CEP95: variants seen among roughly 807,000 people sequenced by gnomAD.
CEP95 encodes the protein centrosomal protein of 95 kDa.
CEP95 carries 98 observed loss-of-function variants against 111.2 expected under a neutral mutation model. That is an observed-to-expected ratio of 0.88 (90% CI 0.75 to 1.04). The LOEUF is 1.04. Ranked by LOEUF, CEP95 falls within the 50% of genes least tolerant of loss-of-function variation. The probability of loss-of-function intolerance (pLI) is 0.00; values close to 1 mark genes in which losing one functional copy is unlikely to be tolerated. For synonymous variants in CEP95, 323 were observed against 327.1 expected (o/e 0.99, Z 0.14); for missense variants, 1,027 against 977.2 (o/e 1.05, Z -0.68).
chr17:64,536,774 T>C (rs782813035), intron 18 of CEP95, 26 bp downstream of exon 18: 1 of 1,586,148 alleles, frequency 6.3e-7, no homozygotes. Flanking sequence ...TTGCTTACGC[T>C]GTTGTGCTTA....
chr17:64,509,909 A>C (rs1011394782), intron 2 of CEP95, among the ~76,000 whole-genome samples: 13 of 151,882 alleles, frequency 8.6e-5, no homozygotes, highest in Admixed American at 1.3e-4. Flanking sequence ...ATATATCTAT[A>C]TATATATATA....
At chr17:64,508,825 G>C (rs998673943) in intron 2 of CEP95, 105 bp downstream of exon 2, 17 of 393,894 alleles carry the variant, frequency 4.3e-5, no homozygotes, top group African/African-American at 3.4e-4. Context: ...TTTTCTCTTT[G>C]CTTGTTTCTT....
At chr17:64,519,879 A>C (rs1967181673) in intron 6 of CEP95, among the ~76,000 whole-genome samples, 1 of 152,188 alleles carries the variant, frequency 6.6e-6, no homozygotes, top group Non-Finnish European at 1.5e-5. Context: ...GTAGACCCGG[A>C]TATCTTTCAA....
In CEP95 at chr17:64,508,662, C is replaced by G; in HGVS notation, c.90C>G (p.Asp30Glu). 1 of 1,464,350 alleles carries G rather than the reference C, an allele frequency of 6.8e-7. No homozygotes were observed. Among genetic ancestry groups the G allele is most frequent in the Non-Finnish European group, 9.1e-7 (1 of 1,099,124 alleles). 90.7% of individuals were successfully genotyped at this position (1,464,350 alleles called of 1,614,324 possible). The change falls in exon 2 of 20, where the codon GAC becomes GAG. Residue 30 changes from aspartate to glutamate, a missense_variant. Coordinates refer to ENST00000556440, the MANE Select transcript of CEP95 (RefSeq NM_138363.3). ...HIHLRIHELQ[D>E]CDANVFIALY... Reference sequence around the variant, plus strand: ...ATCTGAGAATACATGAACTTCAAGACTGTGATGCTAATGTTTTTATTGCTC... The same window carrying G: ...ATCTGAGAATACATGAACTTCAAGAGTGTGATGCTAATGTTTTTATTGCTC...
chr17:64,515,052 TTTAG>T (rs1305805587), intron 4 of CEP95, among the ~76,000 whole-genome samples: 8 of 152,188 alleles, frequency 5.3e-5, no homozygotes, highest in Admixed American at 6.6e-5. Context: ...TCTTAAAGTC[TTTAG>T]TTAGAGATAG....
At chr17:64,521,275 CCAACATTATTTCGTT>C (rs1171457684) in intron 6 of CEP95, 112 bp from the exon 7 acceptor site, 41 of 654,878 alleles carry the variant, frequency 6.3e-5, no homozygotes, top group Non-Finnish European at 9.5e-5. Flanking sequence ...AGCAGTTGGA[CCAACATTATTTCGTT>C]CAACATTATT....
intron 10 of CEP95, among the ~76,000 whole-genome samples, chr17:64,526,643 A>T (rs1174168946): frequency 6.6e-6 from 1 of 152,208 alleles, no homozygotes; most frequent in African/African-American, 2.4e-5. Flanking sequence ...AGTGATCCAT[A>T]GCACTGATAT....
chr17:64,517,853 C>T (rs940880318), intron 5 of CEP95, among the ~76,000 whole-genome samples: 2 of 151,858 alleles, frequency 1.3e-5, no homozygotes, highest in African/African-American at 4.8e-5. Flanking sequence ...CATTTTTAAA[C>T]TTAACATTAA....
chr17:64,536,634 C>T lies in CEP95; in HGVS notation c.2103C>T (p.Asn701=), dbSNP rs1375521522. Residue 701 remains asparagine (N), a synonymous_variant, in exon 18 of 20, where the codon AAC becomes AAT. Coordinates refer to ENST00000556440, the MANE Select transcript of CEP95 (RefSeq NM_138363.3). Reference sequence around the variant, plus strand: ...AGAAACTGTTTGAAGAAGGTTTAAACATTCAAAAGCAAAGATTACGAGACC... The same window carrying T: ...AGAAACTGTTTGAAGAAGGTTTAAATATTCAAAAGCAAAGATTACGAGACC... The part of the protein sequence containing the change: ...IFKKLFEEGL[N]IQKQRLRDLR... The T allele has an allele frequency of 1.9e-6, 3 of 1,603,334 alleles. No individual in the cohort carries two copies. The African/African-American group carries it at 4.1e-5, about 22-fold the overall frequency.
intron 4 of CEP95, chr17:64,514,588 C>T: frequency 2.4e-6 from 1 of 420,574 alleles, no homozygotes; most frequent in East Asian, 3.4e-5. Flanking sequence ...TACTTCAAAA[C>T]TAATTTATAC....
intron 10 of CEP95, 50 bp downstream of exon 10, chr17:64,526,250 C>T (rs782537286): frequency 6.6e-7 from 1 of 1,513,320 alleles, no homozygotes; most frequent in Non-Finnish European, 8.9e-7. Flanking sequence ...GTTAAGTGAG[C>T]ATTTAAGTAA....
At position 64,530,928 on chromosome 17, in the gene CEP95, GT is replaced by G. The variant is rs1568151618; in HGVS notation, c.1452del (p.Phe484LeufsTer9). On this transcript the variant is annotated frameshift_variant, in exon 13 of 20. Coordinates refer to ENST00000556440, the MANE Select transcript of CEP95 (RefSeq NM_138363.3). LOFTEE classifies it high-confidence loss of function. ...ATATATGACCTTTTCCCCTTTAGGC[GT>G]TTACTGAAGCATTTGAAAGGGAACT... ...TDVRQFQAQA[F>X]TEAFERELRR... The G allele has an allele frequency of 6.5e-7, 1 of 1,540,176 alleles. No homozygotes were observed. Among genetic ancestry groups the G allele is most frequent in the South Asian group, 1.2e-5 (1 of 82,548 alleles).
intron 5 of CEP95, among the ~76,000 whole-genome samples, chr17:64,517,677 C>T (rs1966978622): frequency 6.6e-6 from 1 of 150,550 alleles, no homozygotes; most frequent in Non-Finnish European, 1.5e-5. Flanking sequence ...GTGTGCGCCA[C>T]CACACCTGGC....
At chr17:64,531,210 C>T (rs1968254679) in intron 13 of CEP95, 192 bp downstream of exon 13, 1 of 398,856 alleles carries the variant, frequency 2.5e-6, no homozygotes, top group Admixed American at 4.5e-5. Flanking sequence ...TATGACGAGA[C>T]ATGGTTCCAA....
At chr17:64,522,087 G>A (rs996949845) in intron 7 of CEP95, among the ~76,000 whole-genome samples, 1 of 151,900 alleles carries the variant, frequency 6.6e-6, no homozygotes, top group Non-Finnish European at 1.5e-5. Context: ...TCATGACCTC[G>A]TGATCCGCCT....
chr17:64,537,677 A>G lies in CEP95; in HGVS notation c.2364A>G (p.Thr788=), dbSNP rs1255943057. ...KEIQQLQDMI[T]QNDDDVFFRE... ...TTCAGCAGCTGCAGGACATGATAAC[A>G]CAGAATGATGATGATGTTTTCTTCC... The change falls in exon 20 of 20, where the codon ACA becomes ACG. Residue 788 remains threonine, a synonymous_variant. Transcript: ENST00000556440. 6.2e-7 allele frequency: 1 copy of G among 1,613,420 alleles called. No homozygotes were observed. Among genetic ancestry groups the G allele is most frequent in the Non-Finnish European group, 8.5e-7 (1 of 1,179,642 alleles).
chr17:64,530,790 T>C, intron 12 of CEP95, 136 bp from the exon 13 acceptor site: 1 of 523,184 alleles, frequency 1.9e-6, no homozygotes, highest in Non-Finnish European at 3.3e-6. Flanking sequence ...AGAGCTTGGA[T>C]GCTCGGTTGA....
At chr17:64,520,492 C>G (rs955920560) in intron 6 of CEP95, 29 of 139,476 alleles carry the variant, frequency 2.1e-4, no homozygotes, top group Middle Eastern at 4.5e-3. Context: ...CTAGGTCTTG[C>G]TCTGTCACCC....
chr17:64,522,758 C>G lies in CEP95; in HGVS notation c.772C>G (p.Arg258Gly), dbSNP rs371286401. 15 of 1,613,818 alleles carry G rather than the reference C, an allele frequency of 9.3e-6. No individual in the cohort carries two copies. Among genetic ancestry groups the G allele is most frequent in the Non-Finnish European group, 1.3e-5 (15 of 1,179,820 alleles). ...TGCTAGGAAGCTAGGGGAGCCTATC[C>G]GAGCAGCTATTCCTTTACATCCACC... ...PNARKLGEPI[R>G]AAIPLHPPYH... The change falls in exon 8 of 20, where the codon CGA becomes GGA. Residue 258 changes from arginine to glycine, a missense_variant. By Grantham distance (125) the Arg-to-Gly change is moderately radical. Transcript: ENST00000556440.
Sources: allele counts gnomAD v4.1 joint callset (sites outside exome capture counted in the v4.1 genomes callset), GRCh38; gene constraint gnomAD v4.1.1; transcripts MANE v1.5; gene names NCBI Gene and HGNC (gene_info 2026-07-23, HGNC 2026-07-21).